Variants in ADAM7 observed in about 807,000 individuals in gnomAD.
ADAM7 encodes the protein disintegrin and metalloproteinase domain-containing protein 7.
A neutral mutation model predicts 102.9 loss-of-function variants in ADAM7; 97 were observed. That is an observed-to-expected ratio of 0.94 (90% CI 0.80 to 1.12). The LOEUF (loss-of-function observed/expected upper bound fraction) is 1.12. Ranked by LOEUF, ADAM7 falls within the 50% of genes most tolerant of loss-of-function variation. ADAM7 has a pLI of 0.00. For missense variants in ADAM7, 991 were observed against 908.7 expected, an observed-to-expected ratio of 1.09 and a Z score of -1.16; for synonymous variants, 334 against 304.4, an observed-to-expected ratio of 1.10 and a Z score of -1.01.
intron 3 of ADAM7, 105 bp downstream of exon 3, chr8:24,447,367 C>G: frequency 2.0e-6 from 1 of 497,556 alleles, no homozygotes; most frequent in Non-Finnish European, 3.4e-6. Flanking sequence ...TTTATTTGCA[C>G]GTAATCTGAA....
At chr8:24,502,573 T>C (rs1174453366) in intron 20 of ADAM7, among the ~76,000 whole-genome samples, 1 of 152,032 alleles carries the variant, frequency 6.6e-6, no homozygotes, top group Non-Finnish European at 1.5e-5. Context: ...GAAGATACTA[T>C]AAATATTAAG....
chr8:24,444,447 A>G (rs1394177744), intron 2 of ADAM7, among the ~76,000 whole-genome samples: 1 of 151,752 alleles, frequency 6.6e-6, no homozygotes, highest in Non-Finnish European at 1.5e-5. Context: ...TGAAGGGGGG[A>G]AAGAGTCATT....
At chr8:24,497,308 G>A (rs113344781) in intron 16 of ADAM7, among the ~76,000 whole-genome samples, 5,450 of 152,156 alleles carry the variant, frequency 0.036, 335 homozygotes, top group African/African-American at 0.12. Flanking sequence ...GCATGAAAAC[G>A]AACTAATACA....
intron 20 of ADAM7, 107 bp downstream of exon 20, chr8:24,501,683 A>C (rs1273380698): frequency 1.4e-6 from 1 of 734,698 alleles, no homozygotes; most frequent in Non-Finnish European, 2.2e-6. Flanking sequence ...TGGGAAGTGC[A>C]GAGGAGCAAT....
At chr8:24,468,517 A>G (rs1819502392) in intron 6 of ADAM7, among the ~76,000 whole-genome samples, 1 of 152,048 alleles carries the variant, frequency 6.6e-6, no homozygotes, top group Non-Finnish European at 1.5e-5. Flanking sequence ...ATAAAATTAA[A>G]TTTAAAAAAA....
intron 8 of ADAM7, among the ~76,000 whole-genome samples, chr8:24,477,524 G>A (rs190890284): frequency 4.0e-4 from 60 of 149,716 alleles, no homozygotes; most frequent in African/African-American, 1.3e-3. Context: ...TGTCCATTGG[G>A]CAATATTTTA....
intron 3 of ADAM7, among the ~76,000 whole-genome samples, chr8:24,455,738 A>G (rs1025232646): frequency 1.3e-5 from 2 of 152,240 alleles, no homozygotes; most frequent in African/African-American, 2.4e-5. Flanking sequence ...TTTTCTTTGT[A>G]TAACATTTTC....
chr8:24,469,188 C>T (rs1173137305), intron 7 of ADAM7, among the ~76,000 whole-genome samples: 1 of 152,020 alleles, frequency 6.6e-6, no homozygotes, highest in Admixed American at 6.6e-5. Context: ...CTTGGTGACC[C>T]CGCTATACAG....
At chr8:24,484,727 A>T (rs1451960600) in intron 9 of ADAM7, among the ~76,000 whole-genome samples, 1 of 151,334 alleles carries the variant, frequency 6.6e-6, no homozygotes, top group Non-Finnish European at 1.5e-5. Context: ...TGGGATTTCA[A>T]TTGTATTTTT....
intron 20 of ADAM7, among the ~76,000 whole-genome samples, chr8:24,504,063 T>TAAAATAAATA (rs368461387): frequency 3.4e-5 from 4 of 118,318 alleles, no homozygotes; most frequent in African/African-American, 1.2e-4. Flanking sequence ...TAAAATAAAA[T>TAAAATAAATA]AAATAAAATA....
chr8:24,483,279 C>T (rs1187743152), intron 9 of ADAM7, among the ~76,000 whole-genome samples: 1 of 152,130 alleles, frequency 6.6e-6, no homozygotes, highest in East Asian at 1.9e-4. Flanking sequence ...TGTAATACAA[C>T]CTAATATTTA....
intron 21 of ADAM7, among the ~76,000 whole-genome samples, 155 bp downstream of exon 21, chr8:24,507,690 A>C (rs1419043552): frequency 3.4e-5 from 5 of 148,592 alleles, no homozygotes; most frequent in Non-Finnish European, 7.4e-5. Context: ...TTTTGCTGAT[A>C]TGCTTAAAGT....
At chr8:24,502,338 C>A (rs1820791125) in intron 20 of ADAM7, among the ~76,000 whole-genome samples, 1 of 151,858 alleles carries the variant, frequency 6.6e-6, no homozygotes, top group South Asian at 2.1e-4. Flanking sequence ...AGATCAATGA[C>A]CTCAGCTTTT....
At chr8:24,459,850 T>G (rs1362773520) in intron 3 of ADAM7, among the ~76,000 whole-genome samples, 1 of 152,142 alleles carries the variant, frequency 6.6e-6, no homozygotes. Context: ...TCTTTATTAT[T>G]CTTATTGAGT....
intron 16 of ADAM7, among the ~76,000 whole-genome samples, chr8:24,496,720 T>C (rs1159098627): frequency 6.6e-6 from 1 of 152,208 alleles, no homozygotes; most frequent in African/African-American, 2.4e-5. Context: ...GGCCAATTTC[T>C]CCCATTTGGA....
chr8:24,476,894 T>G (rs1819785470), intron 8 of ADAM7, among the ~76,000 whole-genome samples: 1 of 152,188 alleles, frequency 6.6e-6, no homozygotes, highest in East Asian at 1.9e-4. Flanking sequence ...GTGGAGTAAC[T>G]GTTTCAGTAA....
Position 24,465,777 on chromosome 8 carries a change from T to C in ADAM7, c.389+2T>C, listed in dbSNP as rs754099694. 8.2e-6 allele frequency: 13 copies of C among 1,585,022 alleles called. No homozygotes were observed. The African/African-American group carries it at 1.2e-4, about 15-fold the overall frequency. ...TATCAGTACGTGTAATGGTCTAAGG[T>C]AATGCAGAATATCTTTCTTTTTCCT... is the stretch of plus-strand genomic sequence containing the variant. On this transcript the variant is annotated splice_donor_variant, in intron 5 of 21. Coordinates refer to ENST00000175238, the MANE Select transcript of ADAM7 (RefSeq NM_003817.4). LOFTEE classifies it high-confidence loss of function.
intron 3 of ADAM7, among the ~76,000 whole-genome samples, chr8:24,452,516 T>C (rs371413463): frequency 6.6e-6 from 1 of 151,970 alleles, no homozygotes; most frequent in Non-Finnish European, 1.5e-5. Context: ...GATCTTCCTC[T>C]ATCCTTTTAT....
chr8:24,490,775 T>C (rs1454647851), intron 12 of ADAM7, 24 bp from the exon 13 acceptor site: 2 of 1,597,954 alleles, frequency 1.3e-6, no homozygotes, highest in Non-Finnish European at 1.7e-6. Context: ...CAATTTCTCA[T>C]CTCTCTTTTG....
Sources: allele counts gnomAD v4.1 joint callset (sites outside exome capture counted in the v4.1 genomes callset), GRCh38; gene constraint gnomAD v4.1.1; transcripts MANE v1.5; gene names NCBI Gene and HGNC (gene_info 2026-07-23, HGNC 2026-07-21).